TFPI: variants seen among roughly 807,000 people sequenced by gnomAD.
The protein encoded by TFPI is tissue factor pathway inhibitor.
Under a neutral mutation model 34.6 loss-of-function variants are expected in TFPI, and 15 were observed. That is an observed-to-expected ratio of 0.43 (90% confidence interval 0.29 to 0.67). The LOEUF (loss-of-function observed/expected upper bound fraction) is 0.67, where lower values mean the gene tolerates loss of function less well. TFPI is among the 30% of genes least tolerant of loss of function. The probability of loss-of-function intolerance (pLI) is 0.15; values close to 1 mark genes in which losing one functional copy is unlikely to be tolerated. For synonymous variants in TFPI, 105 were observed against 120.1 expected (o/e 0.87, Z 0.82); for missense variants, 301 against 364.0 (o/e 0.83, Z 1.41).
intron 1 of TFPI, chr2:187,544,700 C>T (rs1688764482): frequency 6.6e-6 from 1 of 150,706 alleles, no homozygotes; most frequent in Non-Finnish European, 1.5e-5. Flanking sequence ...GCTCTTTTTA[C>T]AGGAAGTCAT....
chr2:187,522,368 G>A (rs1287688905), intron 1 of TFPI, among the ~76,000 whole-genome samples: 1 of 152,080 alleles, frequency 6.6e-6, no homozygotes, highest in East Asian at 1.9e-4. Context: ...ACTGATAGAA[G>A]AAGAGAATAC....
chr2:187,471,845 C>T (rs1036046948), intron 6 of TFPI, among the ~76,000 whole-genome samples: 2 of 151,884 alleles, frequency 1.3e-5, no homozygotes, highest in African/African-American at 4.8e-5. Context: ...TCCCATTTGG[C>T]TTGCCTACTT....
chr2:187,510,766 T>G (rs1235834956), intron 1 of TFPI, among the ~76,000 whole-genome samples: 6 of 152,120 alleles, frequency 3.9e-5, no homozygotes, highest in Admixed American at 3.9e-4. Context: ...CCCTGCTTGC[T>G]CAATCAATCA....
chr2:187,542,104 AACAG>A (rs376392654), intron 1 of TFPI, among the ~76,000 whole-genome samples: 22 of 152,324 alleles, frequency 1.4e-4, no homozygotes, highest in South Asian at 2.1e-4. Context: ...GCTGAAAAGT[AACAG>A]ACAGAATTTG....
At chr2:187,513,112 G>A (rs1393946837) in intron 1 of TFPI, among the ~76,000 whole-genome samples, 1 of 152,042 alleles carries the variant, frequency 6.6e-6, no homozygotes, top group East Asian at 1.9e-4. Context: ...ACATTAAAAG[G>A]TTAAAAAAAA....
chr2:187,481,242 C>G (rs948478198), intron 6 of TFPI, among the ~76,000 whole-genome samples: 2 of 151,952 alleles, frequency 1.3e-5, no homozygotes, highest in Non-Finnish European at 2.9e-5. Flanking sequence ...TTCAAAATAA[C>G]CTGATACCAC....
chr2:187,549,933 G>A (rs1689033622), intron 1 of TFPI, among the ~76,000 whole-genome samples: 1 of 151,930 alleles, frequency 6.6e-6, no homozygotes, highest in South Asian at 2.1e-4. Flanking sequence ...GGAGAGCAGT[G>A]ATTTCATAGA....
At chr2:187,520,609 C>T (rs533986842) in intron 1 of TFPI, 38 of 151,832 alleles carry the variant, frequency 2.5e-4, no homozygotes, top group African/African-American at 8.9e-4. Flanking sequence ...TGCCAGCCAC[C>T]CGTACTGTAC....
chr2:187,465,492 G>GAAAAAAAAAAA lies in TFPI; in HGVS notation c.*1433_*1443dup, dbSNP rs199557966. ...AAAACATAACAAAACAAAACAAAAT[G>GAAAAAAAAAAA]AAAAAAAAAAAAAAACAAGAAAAAA... On this transcript the variant is annotated 3_prime_UTR_variant, in exon 8 of 8. Coordinates refer to ENST00000233156, the MANE Select transcript of TFPI (RefSeq NM_006287.6). The GAAAAAAAAAAA allele has an allele frequency of 3.0e-5, 2 of 67,786 alleles. No homozygotes were observed. The highest frequency in any genetic ancestry group is 5.6e-5 in the African/African-American group (1 of 17,702). 4.2% of individuals were successfully genotyped at this position (67,786 alleles called of 1,614,324 possible).
chr2:187,469,068 TAAAAC>T lies in TFPI; in HGVS notation c.629-1141_629-1137del, dbSNP rs892226696. ...TGAACAGACTGTAAAAGAAAAGAAA[TAAAAC>T]AAAGTGAGAAAAAAATGAAAAAAAA... On this transcript the variant is annotated intron_variant, in intron 6 of 7. Coordinates refer to ENST00000233156, the MANE Select transcript of TFPI (RefSeq NM_006287.6). Among the ~76,000 whole-genome samples the T allele has an allele frequency of 2.1e-4, 32 of 151,508 alleles. No homozygotes were observed. In the South Asian group the frequency reaches 3.5e-3, roughly 17 times the overall value.
At chr2:187,483,937 G>A in intron 6 of TFPI, 187 bp downstream of exon 6, 1 of 555,770 alleles carries the variant, frequency 1.8e-6, no homozygotes, top group Non-Finnish European at 3.1e-6. Flanking sequence ...AATAGATTAG[G>A]AAAATTGTTG....
chr2:187,546,858 T>A (rs753330752), intron 1 of TFPI: 5 of 152,230 alleles, frequency 3.3e-5, no homozygotes, highest in Non-Finnish European at 5.9e-5. Flanking sequence ...ATTAATTTGT[T>A]AGTTAAAATC....
At chr2:187,525,292 T>C (rs1204856262) in intron 1 of TFPI, among the ~76,000 whole-genome samples, 1 of 152,056 alleles carries the variant, frequency 6.6e-6, no homozygotes, top group East Asian at 1.9e-4. Context: ...AGTCCAGAAT[T>C]CATGGACACT....
chr2:187,534,899 A>T (rs1016398218), intron 1 of TFPI, among the ~76,000 whole-genome samples: 8 of 150,860 alleles, frequency 5.3e-5, no homozygotes, highest in Non-Finnish European at 7.4e-5. Context: ...GAAAGCAAAA[A>T]AAAAAATAAA....
At chr2:187,493,596 T>G (rs1449651095) in intron 3 of TFPI, among the ~76,000 whole-genome samples, 1 of 152,206 alleles carries the variant, frequency 6.6e-6, no homozygotes, top group East Asian at 1.9e-4. Context: ...TTCCATACTT[T>G]TATGCTCTGT....
At chr2:187,531,927 T>A (rs1362225851) in intron 1 of TFPI, among the ~76,000 whole-genome samples, 3 of 102,680 alleles carry the variant, frequency 2.9e-5, no homozygotes, top group Non-Finnish European at 3.6e-5. Flanking sequence ...TTATTTAAAA[T>A]TTTTTTTTCA....
chr2:187,547,948 AT>A (rs929214776), intron 1 of TFPI, among the ~76,000 whole-genome samples: 4 of 152,106 alleles, frequency 2.6e-5, no homozygotes, highest in African/African-American at 9.7e-5. Flanking sequence ...GAGATTTGAT[AT>A]TTTTGGAAGT....
intron 6 of TFPI, among the ~76,000 whole-genome samples, chr2:187,483,491 C>T (rs1693030098): frequency 6.6e-6 from 1 of 151,810 alleles, no homozygotes; most frequent in African/African-American, 2.4e-5. Context: ...TCTAACTGCC[C>T]AGATATTTGT....
At chr2:187,484,350 A>G (rs1279167385) in intron 5 of TFPI, 134 bp from the exon 6 acceptor site, 1 of 657,236 alleles carries the variant, frequency 1.5e-6, no homozygotes, top group Non-Finnish European at 2.6e-6. Flanking sequence ...ATTAGCAAAC[A>G]GTGAATCTTT....
Sources: gnomAD v4.1 joint callset for allele counts (sites outside exome capture counted in the v4.1 genomes callset) on GRCh38, gnomAD v4.1.1 for gene constraint, MANE v1.5 for transcripts, NCBI Gene and HGNC (gene_info 2026-07-23, HGNC 2026-07-21) for gene names.